GUCY1A1: variants seen among roughly 807,000 people sequenced by gnomAD.
The protein encoded by GUCY1A1 is guanylate cyclase soluble subunit alpha-1.
Under a neutral mutation model 64.5 loss-of-function variants are expected in GUCY1A1, and 48 were observed. The observed-to-expected ratio is 0.74, with a 90% confidence interval of 0.59 to 0.95. The LOEUF (loss-of-function observed/expected upper bound fraction) is 0.95. Among genes scored for constraint, GUCY1A1 ranks in the 40% least tolerant of loss-of-function variants. The pLI is 0.00. For missense variants in GUCY1A1, 804 were observed against 825.3 expected (o/e 0.97, Z 0.32); for synonymous variants, 308 against 303.4 (o/e 1.02, Z -0.16).
At position 155,730,300 on chromosome 4, in the gene GUCY1A1, A is replaced by C. The variant is rs763575929; in HGVS notation, c.*69A>C. ...GAAGATGTGTAGAGCCTCTGAAAGC[A>C]CTTTAGGGATTGTAGATGGCTAACA... is the stretch of plus-strand genomic sequence containing the variant. On this transcript the variant is annotated 3_prime_UTR_variant, in exon 10 of 10. Coordinates refer to ENST00000506455, the MANE Select transcript of GUCY1A1 (RefSeq NM_001130682.3). 1 of 947,058 alleles carries C rather than the reference A, an allele frequency of 1.1e-6. No homozygotes were observed. The highest frequency in any genetic ancestry group is 2.4e-5 in the East Asian group (1 of 40,888). 58.7% of individuals were successfully genotyped at this position (947,058 alleles called of 1,614,324 possible).
intron 7 of GUCY1A1, among the ~76,000 whole-genome samples, chr4:155,716,313 G>A (rs1182228365): frequency 1.3e-5 from 2 of 152,094 alleles, no homozygotes; most frequent in Non-Finnish European, 2.9e-5. Context: ...TTGAGGCTTT[G>A]TGTAAGAATA....
intron 8 of GUCY1A1, 64 bp from the exon 9 acceptor site, chr4:155,721,974 G>A (rs563718239): frequency 2.4e-5 from 27 of 1,111,128 alleles, no homozygotes; most frequent in South Asian, 1.8e-4. Context: ...GTATTCAAAC[G>A]ACACTGACGA....
chr4:155,670,012 G>C (rs1190300384), intron 2 of GUCY1A1, among the ~76,000 whole-genome samples: 1 of 152,144 alleles, frequency 6.6e-6, no homozygotes, highest in Non-Finnish European at 1.5e-5. Flanking sequence ...AAATGGAAAG[G>C]TAAAGCAACA....
At chr4:155,684,816 C>G (rs993249618) in intron 2 of GUCY1A1, among the ~76,000 whole-genome samples, 1 of 152,144 alleles carries the variant, frequency 6.6e-6, no homozygotes, top group Non-Finnish European at 1.5e-5. Flanking sequence ...CAAAGGGAGT[C>G]TCCTTAGAGT....
Position 155,722,142 on chromosome 4 carries a change from T to A in GUCY1A1, c.1821T>A (p.Phe607Leu). ...ACAATGTCACTCTGGCTAACAAATT[T>A]GAGTCCTGCAGTGTACCACGAAAAA... ...FGNNVTLANK[F>L]ESCSVPRKIN... The change falls in exon 9 of 10, where the codon TTT (phenylalanine) becomes TTA (leucine). Residue 607 changes from phenylalanine (F) to leucine (L), a missense_variant. Transcript: ENST00000506455. The A allele has an allele frequency of 6.2e-7, 1 of 1,613,484 alleles. No individual in the cohort carries two copies. The highest frequency in any genetic ancestry group is 1.3e-5 in the African/African-American group (1 of 74,982).
chr4:155,727,625 T>C (rs1045635306), intron 9 of GUCY1A1, among the ~76,000 whole-genome samples: 1 of 151,764 alleles, frequency 6.6e-6, no homozygotes, highest in Non-Finnish European at 1.5e-5. Flanking sequence ...TTTTTATTTA[T>C]TAGACTCTTA....
At chr4:155,693,270 T>G (rs1303315370) in intron 2 of GUCY1A1, among the ~76,000 whole-genome samples, 1 of 152,146 alleles carries the variant, frequency 6.6e-6, no homozygotes, top group Admixed American at 6.6e-5. Context: ...TTATCAACTT[T>G]TGGAATGAGA....
Position 155,722,029 on chromosome 4 carries a change from TGC to T in GUCY1A1, c.1717-8_1717-7del. ...TGACTGGGAACATCATGTTATTTTTTGCTTTCAGATGCGAATTGGACTGCACT... is the reference window on the plus strand; with the variant it reads ...TGACTGGGAACATCATGTTATTTTTTTTTCAGATGCGAATTGGACTGCACT... On this transcript the variant is annotated splice_polypyrimidine_tract_variant and splice_region_variant and intron_variant, in intron 8 of 9. Coordinates refer to ENST00000506455, the MANE Select transcript of GUCY1A1 (RefSeq NM_001130682.3). 6.3e-7 allele frequency: 1 copy of T among 1,590,206 alleles called. No homozygotes were observed. Among genetic ancestry groups the T allele is most frequent in the South Asian group, 1.1e-5 (1 of 90,192 alleles).
chr4:155,728,075 C>T (rs928532404), intron 9 of GUCY1A1, among the ~76,000 whole-genome samples: 5 of 151,930 alleles, frequency 3.3e-5, no homozygotes, highest in African/African-American at 1.2e-4. Flanking sequence ...AAATAGATTC[C>T]CAGTGAACAT....
intron 3 of GUCY1A1, among the ~76,000 whole-genome samples, chr4:155,702,955 G>T (rs1056766941): frequency 2.0e-5 from 3 of 150,220 alleles, no homozygotes; most frequent in Non-Finnish European, 3.0e-5. Flanking sequence ...AGAATCAATG[G>T]TTCTATATAT....
rs529696681 is a variant in GUCY1A1 at position 155,733,677 on chromosome 4, AAAG to A, written c.*3450_*3452del. On this transcript the variant is annotated 3_prime_UTR_variant, in exon 10 of 10. Transcript: ENST00000506455. ...ATAGATTTTACAAAAGAAAAAAAAA[AAAG>A]AAGCAACATGAGTAAAATTAGATCC... Among the ~76,000 whole-genome samples, 427 of 151,670 alleles carry A rather than the reference AAAG, an allele frequency of 2.8e-3. 2 individuals carry two copies. The highest frequency in any genetic ancestry group is 6.7e-3 in the Admixed American group (102 of 15,166).
At chr4:155,717,553 A>AT (rs1733425529) in intron 8 of GUCY1A1, among the ~76,000 whole-genome samples, 1 of 152,208 alleles carries the variant, frequency 6.6e-6, no homozygotes, top group African/African-American at 2.4e-5. Flanking sequence ...AATGTTTCCC[A>AT]TAGTATAGGG....
chr4:155,693,770 G>T (rs189256209), intron 2 of GUCY1A1, among the ~76,000 whole-genome samples: 1 of 152,254 alleles, frequency 6.6e-6, no homozygotes. Context: ...ATAGTACCGT[G>T]CAGTACAGGA....
intron 3 of GUCY1A1, among the ~76,000 whole-genome samples, chr4:155,702,858 G>C (rs1731270779): frequency 6.6e-6 from 1 of 151,964 alleles, no homozygotes; most frequent in Admixed American, 6.5e-5. Flanking sequence ...AACTCTACAA[G>C]AGATATAAAT....
At chr4:155,695,031 T>C (rs967686934) in intron 2 of GUCY1A1, among the ~76,000 whole-genome samples, 1 of 152,246 alleles carries the variant, frequency 6.6e-6, no homozygotes, top group African/African-American at 2.4e-5. Context: ...ACAAATTTTC[T>C]ACTCATAAAT....
intron 2 of GUCY1A1, among the ~76,000 whole-genome samples, chr4:155,687,218 C>CA (rs935836701): frequency 9.3e-5 from 14 of 150,954 alleles, no homozygotes; most frequent in East Asian, 7.8e-4. Context: ...TTGTATGTAC[C>CA]AAAAAAAAAT....
chr4:155,683,570 T>TGAG (rs1446273595), intron 2 of GUCY1A1, among the ~76,000 whole-genome samples: 1 of 152,072 alleles, frequency 6.6e-6, no homozygotes, highest in Non-Finnish European at 1.5e-5. Context: ...GACAAGATAA[T>TGAG]GAGGAAAGTT....
intron 2 of GUCY1A1, among the ~76,000 whole-genome samples, chr4:155,682,532 C>CGTG (rs367757388): frequency 1.2e-4 from 19 of 152,084 alleles, no homozygotes; most frequent in African/African-American, 2.7e-4. Context: ...ATTAGCTGGG[C>CGTG]GTGGTGGTGT....
rs1169651214 is a variant in GUCY1A1 at position 155,732,786 on chromosome 4, C to T, written c.*2555C>T. Among the ~76,000 whole-genome samples, 3 of 151,886 alleles carry T rather than the reference C, an allele frequency of 2.0e-5. No individual in the cohort carries two copies. Among genetic ancestry groups the T allele is most frequent in the Non-Finnish European group, 4.4e-5 (3 of 67,874 alleles). ...GTCTCAAGACTGCTTCCCTAACAGA[C>T]TGTTTCTCCTGAAAATGCAGGAGCT... On this transcript the variant is annotated 3_prime_UTR_variant, in exon 10 of 10. Transcript: ENST00000506455.
Sources: allele counts gnomAD v4.1 joint callset (sites outside exome capture counted in the v4.1 genomes callset), GRCh38; gene constraint gnomAD v4.1.1; transcripts MANE v1.5; gene names NCBI Gene and HGNC (gene_info 2026-07-23, HGNC 2026-07-21).